Variants in KIF13B observed in about 807,000 individuals in gnomAD.
KIF13B encodes kinesin family member 13B, also known as kinesin-like protein KIF13B.
KIF13B carries 127 observed loss-of-function variants against 222.0 expected under a neutral mutation model. That is an observed-to-expected ratio of 0.57 (90% confidence interval 0.50 to 0.66). KIF13B has a LOEUF of 0.66. KIF13B is among the 30% of genes least tolerant of loss of function. The pLI is 0.00. For missense variants in KIF13B, 2,173 were observed against 2,379.0 expected (o/e 0.91, Z 1.80); for synonymous variants, 976 against 919.0 (o/e 1.06, Z -1.12).
chr8:29,202,136 T>C (rs1813719643), intron 2 of KIF13B, among the ~76,000 whole-genome samples: 1 of 152,180 alleles, frequency 6.6e-6, no homozygotes, highest in Admixed American at 6.5e-5. Context: ...TTGAAAACTC[T>C]ACCAGTGAAA....
At chr8:29,203,261 C>A (rs1021128266) in intron 2 of KIF13B, among the ~76,000 whole-genome samples, 1 of 152,178 alleles carries the variant, frequency 6.6e-6, no homozygotes, top group Non-Finnish European at 1.5e-5. Flanking sequence ...TTCCTTTCAC[C>A]CATGTGGGAC....
At chr8:29,242,208 C>T (rs1433737836) in intron 2 of KIF13B, among the ~76,000 whole-genome samples, 1 of 151,994 alleles carries the variant, frequency 6.6e-6, no homozygotes, top group African/African-American at 2.4e-5. Flanking sequence ...ATCGTGCCAC[C>T]ACACTCCAGC....
At chr8:29,191,376 AT>A (rs1229156105) in intron 3 of KIF13B, among the ~76,000 whole-genome samples, 2 of 152,180 alleles carry the variant, frequency 1.3e-5, no homozygotes, top group Admixed American at 1.3e-4. Flanking sequence ...ATGTTTTTAT[AT>A]TTTTTCAATA....
intron 2 of KIF13B, among the ~76,000 whole-genome samples, chr8:29,222,359 A>AAAAAC (rs1248805905): frequency 6.6e-6 from 1 of 152,102 alleles, no homozygotes; most frequent in Non-Finnish European, 1.5e-5. Flanking sequence ...CCCGTCTCAA[A>AAAAAC]AAAACAAAAC....
intron 1 of KIF13B, chr8:29,250,087 G>C: frequency 7.9e-7 from 1 of 1,271,628 alleles, no homozygotes; most frequent in Non-Finnish European, 1.0e-6. Flanking sequence ...AGTCAAATCT[G>C]TATCATACAC....
chr8:29,233,772 T>G (rs1815386711), intron 2 of KIF13B, among the ~76,000 whole-genome samples: 1 of 152,204 alleles, frequency 6.6e-6, no homozygotes, highest in Non-Finnish European at 1.5e-5. Context: ...GAGGACTGCT[T>G]GAGCCCAGGA....
intron 2 of KIF13B, among the ~76,000 whole-genome samples, chr8:29,220,994 T>C (rs907469019): frequency 1.4e-4 from 22 of 151,818 alleles, no homozygotes; most frequent in African/African-American, 5.1e-4. Flanking sequence ...GTACATACAT[T>C]AACTGGGTGC....
At chr8:29,166,523 G>A (rs1812005904) in intron 11 of KIF13B, among the ~76,000 whole-genome samples, 1 of 152,058 alleles carries the variant, frequency 6.6e-6, no homozygotes, top group Admixed American at 6.6e-5. Flanking sequence ...TGACCAACAT[G>A]GAGAAACCCT....
chr8:29,259,828 G>C (rs1816617603), intron 1 of KIF13B, among the ~76,000 whole-genome samples: 1 of 152,188 alleles, frequency 6.6e-6, no homozygotes, highest in South Asian at 2.1e-4. Context: ...TCTGCAAATA[G>C]AACTTGAAGA....
chr8:29,223,576 C>G (rs892602535), intron 2 of KIF13B, among the ~76,000 whole-genome samples: 1 of 152,136 alleles, frequency 6.6e-6, no homozygotes. Context: ...TAAAATTTAA[C>G]ACGTAACTAA....
chr8:29,226,415 G>C (rs138066261), intron 2 of KIF13B, among the ~76,000 whole-genome samples: 1 of 152,162 alleles, frequency 6.6e-6, no homozygotes, highest in Non-Finnish European at 1.5e-5. Flanking sequence ...TTACTGGGCG[G>C]GTTCAGATTC....
chr8:29,233,749 G>A (rs1815385647), intron 2 of KIF13B, among the ~76,000 whole-genome samples: 1 of 152,186 alleles, frequency 6.6e-6, no homozygotes, highest in Admixed American at 6.5e-5. Context: ...AGAACTCTGG[G>A]AGGCCAAGGT....
At chr8:29,081,904 C>G (rs1807832389) in intron 37 of KIF13B, among the ~76,000 whole-genome samples, 1 of 152,172 alleles carries the variant, frequency 6.6e-6, no homozygotes, top group Admixed American at 6.5e-5. Context: ...CTGGATATTT[C>G]TAAGTTGGCT....
intron 2 of KIF13B, among the ~76,000 whole-genome samples, chr8:29,240,560 T>A (rs1250860265): frequency 6.6e-6 from 1 of 152,268 alleles, no homozygotes; most frequent in Non-Finnish European, 1.5e-5. Flanking sequence ...TTTTGTATAT[T>A]ATGTTTTTTA....
intron 2 of KIF13B, among the ~76,000 whole-genome samples, chr8:29,225,207 G>C (rs1055751700): frequency 6.6e-5 from 10 of 152,238 alleles, no homozygotes; most frequent in African/African-American, 2.4e-4. Flanking sequence ...CACATGTGGA[G>C]GACGGGAAGG....
intron 9 of KIF13B, among the ~76,000 whole-genome samples, chr8:29,176,390 T>C (rs868024867): frequency 3.9e-5 from 6 of 152,164 alleles, no homozygotes; most frequent in Admixed American, 1.3e-4. Flanking sequence ...GCCTAATATT[T>C]TGTAGTACAT....
chr8:29,248,628 C>T (rs940675605), intron 1 of KIF13B, among the ~76,000 whole-genome samples: 6 of 152,166 alleles, frequency 3.9e-5, no homozygotes, highest in Admixed American at 2.6e-4. Flanking sequence ...CCCCATGATT[C>T]ATTTGTCTCC....
At chr8:29,215,554 C>T (rs1198456901) in intron 2 of KIF13B, among the ~76,000 whole-genome samples, 7 of 152,148 alleles carry the variant, frequency 4.6e-5, no homozygotes, top group African/African-American at 1.4e-4. Context: ...TAGCCAGGCA[C>T]GATGGCATGC....
chr8:29,082,418 T>C (rs1194094282), intron 37 of KIF13B, among the ~76,000 whole-genome samples: 3 of 152,152 alleles, frequency 2.0e-5, no homozygotes, highest in Non-Finnish European at 2.9e-5. Flanking sequence ...ATCTAGCCAG[T>C]TTACTTTACA....
Sources: gnomAD v4.1 joint callset for allele counts (sites outside exome capture counted in the v4.1 genomes callset) on GRCh38, gnomAD v4.1.1 for gene constraint, MANE v1.5 for transcripts, NCBI Gene and HGNC (gene_info 2026-07-23, HGNC 2026-07-21) for gene names.